DIXDC1: variants seen among roughly 807,000 people sequenced by gnomAD.
DIXDC1 encodes the protein DIX domain containing 1, also known as dixin.
In DIXDC1, 64 loss-of-function variants were observed where a neutral mutation model predicts 103.1. That is an observed-to-expected ratio of 0.62 (90% CI 0.51 to 0.76). The LOEUF is 0.76. Among genes scored for constraint, DIXDC1 ranks in the 30% least tolerant of loss-of-function variants. The pLI, the probability that DIXDC1 is intolerant of heterozygous loss-of-function variation, is 0.00. For synonymous variants in DIXDC1, 266 were observed against 298.5 expected, an observed-to-expected ratio of 0.89 and a Z score of 1.12; for missense variants, 759 against 834.2, an observed-to-expected ratio of 0.91 and a Z score of 1.11.
At chr11:111,954,766 A>G (rs1268002510) in intron 1 of DIXDC1, among the ~76,000 whole-genome samples, 1 of 152,182 alleles carries the variant, frequency 6.6e-6, no homozygotes, top group African/African-American at 2.4e-5. Context: ...AATATGTATT[A>G]TGGATAGTGA....
upstream of DIXDC1, among the ~76,000 whole-genome samples, chr11:111,936,908 G>A (rs1966205806): frequency 6.7e-6 from 1 of 149,868 alleles, no homozygotes; most frequent in South Asian, 2.1e-4. Context: ...GGGCACACCC[G>A]CCTGCAAGCC....
At chr11:111,966,588 A>G (rs1228689399) in intron 2 of DIXDC1, among the ~76,000 whole-genome samples, 1 of 151,980 alleles carries the variant, frequency 6.6e-6, no homozygotes, top group African/African-American at 2.4e-5. Context: ...TATTTTTAGT[A>G]GAGACGGGGT....
chr11:111,947,547 TA>T (rs1555169496), intron 1 of DIXDC1, among the ~76,000 whole-genome samples: 2 of 152,182 alleles, frequency 1.3e-5, no homozygotes, highest in African/African-American at 4.8e-5. Context: ...AGTGGGCATT[TA>T]TAGGAAGAAC....
At chr11:112,005,323 A>T (rs1044304132) in intron 17 of DIXDC1, among the ~76,000 whole-genome samples, 7 of 152,180 alleles carry the variant, frequency 4.6e-5, no homozygotes, top group Non-Finnish European at 1.0e-4. Flanking sequence ...TATAAAGATG[A>T]TACATAATAA....
At chr11:111,970,096 C>T (rs1419224013) in intron 3 of DIXDC1, among the ~76,000 whole-genome samples, 1 of 152,158 alleles carries the variant, frequency 6.6e-6, no homozygotes, top group Non-Finnish European at 1.5e-5. Flanking sequence ...TGCTTTGTCA[C>T]CCAGACTGGA....
chr11:111,984,563 A>G (rs1860427939), intron 7 of DIXDC1, among the ~76,000 whole-genome samples: 2 of 152,136 alleles, frequency 1.3e-5, no homozygotes. Flanking sequence ...TAACAATAAT[A>G]ATTAGGTATA....
At chr11:111,955,167 C>A (rs1319476750) in intron 1 of DIXDC1, among the ~76,000 whole-genome samples, 2 of 151,862 alleles carry the variant, frequency 1.3e-5, no homozygotes, top group Non-Finnish European at 2.9e-5. Flanking sequence ...AAAACCCCAT[C>A]TCTACAAAAA....
At chr11:111,968,836 A>C (rs1555171827) in intron 3 of DIXDC1, among the ~76,000 whole-genome samples, 198 bp downstream of exon 3, 1 of 152,012 alleles carries the variant, frequency 6.6e-6, no homozygotes, top group East Asian at 1.9e-4. Flanking sequence ...GTGCAATGGC[A>C]CAATCTTGGT....
upstream of DIXDC1, chr11:111,937,156 C>T: frequency 5.7e-6 from 5 of 878,912 alleles, no homozygotes; most frequent in East Asian, 1.2e-4. Context: ...CGCGTGCGTG[C>T]GGGCGTGCAG....
intron 1 of DIXDC1, among the ~76,000 whole-genome samples, chr11:111,949,014 A>T (rs1291971507): frequency 6.6e-6 from 1 of 151,894 alleles, no homozygotes; most frequent in Admixed American, 6.6e-5. Context: ...CAGCCCTGCA[A>T]CTGTGGGCAT....
At chr11:111,943,372 G>C (rs1421292918) in intron 1 of DIXDC1, among the ~76,000 whole-genome samples, 2 of 151,962 alleles carry the variant, frequency 1.3e-5, no homozygotes, top group Non-Finnish European at 2.9e-5. Context: ...TCGAGCTCCT[G>C]ACCTCAGGTG....
At chr11:111,937,132 G>GGGGT, upstream of DIXDC1, 2 of 369,552 alleles carry the variant, frequency 5.4e-6, no homozygotes, top group Non-Finnish European at 3.5e-6. Flanking sequence ...CGGCCCGGGC[G>GGGGT]GGGGGGGGGT....
chr11:111,935,431 G>A (rs892671374), upstream of DIXDC1, among the ~76,000 whole-genome samples: 5 of 152,180 alleles, frequency 3.3e-5, no homozygotes, highest in Non-Finnish European at 7.3e-5. Context: ...TTTGAGAAAC[G>A]CTGACCTCTG....
chr11:111,949,525 G>T (rs1271050825), intron 1 of DIXDC1, among the ~76,000 whole-genome samples: 3 of 152,156 alleles, frequency 2.0e-5, no homozygotes. Flanking sequence ...ATCTTCTCTT[G>T]CTTGAATTAT....
At chr11:111,929,737 G>A in intron 1 of DIXDC1, 1 of 851,710 alleles carries the variant, frequency 1.2e-6, no homozygotes, top group Non-Finnish European at 1.8e-6. Context: ...GAGGGGTCTG[G>A]CCCCAACTCG....
At chr11:111,986,979 G>C in intron 9 of DIXDC1, 55 bp downstream of exon 9, 2 of 1,457,980 alleles carry the variant, frequency 1.4e-6, no homozygotes, top group African/African-American at 1.4e-5. Flanking sequence ...GGCCAGGCAC[G>C]GTGGCTCGCG....
chr11:111,933,861 A>G (rs1228953498), upstream of DIXDC1, among the ~76,000 whole-genome samples: 2 of 152,028 alleles, frequency 1.3e-5, no homozygotes, highest in Non-Finnish European at 2.9e-5. Context: ...CACACTTCTT[A>G]TTTTTATGCA....
intron 1 of DIXDC1, among the ~76,000 whole-genome samples, chr11:111,947,164 G>A (rs941205732): frequency 6.6e-6 from 1 of 152,096 alleles, no homozygotes; most frequent in African/African-American, 2.4e-5. Flanking sequence ...AGAAACACAG[G>A]AAGAGTGAGC....
chr11:111,937,142 T>C (rs868976005), upstream of DIXDC1: 2 of 538,064 alleles, frequency 3.7e-6, no homozygotes, highest in Non-Finnish European at 4.3e-6. Flanking sequence ...GGGGGGGGGG[T>C]GTGCGCGTGC....
Sources: gnomAD v4.1 joint callset for allele counts (sites outside exome capture counted in the v4.1 genomes callset) on GRCh38, gnomAD v4.1.1 for gene constraint, MANE v1.5 for transcripts, NCBI Gene and HGNC (gene_info 2026-07-23, HGNC 2026-07-21) for gene names.